Variants in SMTNL2 observed in about 807,000 individuals in gnomAD.
SMTNL2 encodes the protein smoothelin-like protein 2.
Under a neutral mutation model 44.1 loss-of-function variants are expected in SMTNL2, and 43 were observed. The observed-to-expected ratio is 0.98, with a 90% CI of 0.76 to 1.26. SMTNL2 has a LOEUF of 1.26. Ranked by LOEUF, SMTNL2 falls within the 50% of genes most tolerant of loss-of-function variation. The pLI is 0.00. For missense variants in SMTNL2, 646 were observed against 670.2 expected (o/e 0.96, Z 0.40); for synonymous variants, 317 against 287.6 (o/e 1.10, Z -1.03).
chr17:4,584,566 C>A lies in SMTNL2; in HGVS notation c.-40C>A, dbSNP rs147623005. The stretch of plus-strand genomic sequence containing the variant: ...GAGCTGCGGAGCTCGGATCTTCTCC[C>A]CCGTCTGGCCCGCTCTCGACCCGCG... On this transcript the variant is annotated 5_prime_UTR_variant, in exon 1 of 8. Coordinates refer to ENST00000389313, the MANE Select transcript of SMTNL2 (RefSeq NM_001114974.2). The A allele has an allele frequency of 1.6e-3, 1,923 of 1,218,182 alleles. 27 individuals carry two copies. In the African/African-American group the frequency reaches 0.027, roughly 17 times the overall value. 75.5% of individuals were successfully genotyped at this position (1,218,182 alleles called of 1,614,324 possible).
intron 1 of SMTNL2, among the ~76,000 whole-genome samples, chr17:4,585,660 C>T (rs1297750888): frequency 2.0e-5 from 3 of 152,218 alleles, no homozygotes; most frequent in African/African-American, 4.8e-5. Flanking sequence ...GGGCGGAGGC[C>T]GACGTGGACC....
At position 4,607,475 on chromosome 17, in the gene SMTNL2, T is replaced by A; in HGVS notation, c.1374T>A (p.Arg458=). ...TCCAGTCGCTGTACAACCACCTGCG[T>A]CGCTTCGAGTAAAGCCCCTGAGCCT... ...TYVQSLYNHL[R]RFE is the part of the protein sequence containing the mutation. The change falls in exon 8 of 8, where the codon CGT becomes CGA. Residue 458 remains arginine (R), a synonymous_variant. Coordinates refer to ENST00000389313, the MANE Select transcript of SMTNL2 (RefSeq NM_001114974.2). This position sits in a 1 kb window ranked among gnomAD's most constrained non-coding sequence, Gnocchi z 4.7. 6.2e-7 allele frequency: 1 copy of A among 1,614,104 alleles called. No individual in the cohort carries two copies. Among genetic ancestry groups the A allele is most frequent in the Non-Finnish European group, 8.5e-7 (1 of 1,179,984 alleles).
At position 4,607,220 on chromosome 17, in the gene SMTNL2, T is replaced by C; in HGVS notation, c.1260-141T>C. 7.5e-7 allele frequency: 1 copy of C among 1,341,238 alleles called. No individual in the cohort carries two copies. Among genetic ancestry groups the C allele is most frequent in the Non-Finnish European group, 1.0e-6 (1 of 978,502 alleles). 83.1% of individuals were successfully genotyped at this position (1,341,238 alleles called of 1,614,324 possible). A position where few individuals can be genotyped will look rare whatever the true frequency, so the allele number is the denominator to read the frequency against. Reference sequence around the variant, plus strand: ...CTCCAAGGGTTCTGCCAGGGTTATCTGAATTCCCCGCTGGTGGGTCCTTGG... The same window carrying C: ...CTCCAAGGGTTCTGCCAGGGTTATCCGAATTCCCCGCTGGTGGGTCCTTGG... On this transcript the variant is annotated intron_variant, in intron 7 of 7. Transcript: ENST00000389313. The surrounding 1 kb of genome is among the most constrained non-coding windows in gnomAD (Gnocchi z 4.7).
rs60381343 is a variant in SMTNL2, at chr17:4,607,726, T to TGA, written c.*252_*253dup. 1.4e-3 allele frequency: 691 copies of TGA among 492,254 alleles called. 3 individuals carry two copies. Among genetic ancestry groups the TGA allele is most frequent in the East Asian group, 0.011 (330 of 28,728 alleles). 30.5% of individuals were successfully genotyped at this position (492,254 alleles called of 1,614,324 possible). Reference sequence around the variant, plus strand: ...GGGCTTGGAGGAAAAGGAAAAATTATGAGAGAGAGAGAGACATTGGTGCTA... The same window carrying TGA: ...GGGCTTGGAGGAAAAGGAAAAATTATGAGAGAGAGAGAGAGACATTGGTGCTA... On this transcript the variant is annotated 3_prime_UTR_variant, in exon 8 of 8. Coordinates refer to ENST00000389313, the MANE Select transcript of SMTNL2 (RefSeq NM_001114974.2). The surrounding 1 kb of genome is among the most constrained non-coding windows in gnomAD (Gnocchi z 4.7).
chr17:4,595,105 C>A lies in SMTNL2; in HGVS notation c.807-40C>A. 1.2e-6 allele frequency: 2 copies of A among 1,612,512 alleles called. No homozygotes were observed. The highest frequency in any genetic ancestry group is 1.7e-6 in the Non-Finnish European group (2 of 1,179,706). Reference sequence around the variant, plus strand: ...TTGGGGCCTGGTGAGCTAGTGATGGCTGCTGGGCCCAGGTCCCAACTCGGC... The same window carrying A: ...TTGGGGCCTGGTGAGCTAGTGATGGATGCTGGGCCCAGGTCCCAACTCGGC... On this transcript the variant is annotated intron_variant, in intron 4 of 7. Transcript: ENST00000389313. This position sits in a 1 kb window ranked among gnomAD's most constrained non-coding sequence, Gnocchi z 5.1.
chr17:4,586,768 T>C (rs1453937047), intron 1 of SMTNL2, among the ~76,000 whole-genome samples: 3 of 152,092 alleles, frequency 2.0e-5, no homozygotes, highest in Admixed American at 1.3e-4. Flanking sequence ...GCCGTGGGCC[T>C]TGGTGTGTAG....
chr17:4,607,682 C>A lies in SMTNL2; in HGVS notation c.*195C>A. ...AAAGTACTGCTGAGCTGTGGTCCGA[C>A]AGCACTGATCACAGCCAAGGGCTTG... On this transcript the variant is annotated 3_prime_UTR_variant, in exon 8 of 8. Transcript: ENST00000389313. This position sits in a 1 kb window ranked among gnomAD's most constrained non-coding sequence, Gnocchi z 4.7. 1.2e-6 allele frequency: 1 copy of A among 813,796 alleles called. No individual in the cohort carries two copies. Among genetic ancestry groups the A allele is most frequent in the Non-Finnish European group, 1.8e-6 (1 of 553,060 alleles). The allele number at this position is 813,796 out of a possible 1,614,324, so 50.4% of individuals were successfully genotyped here.
intron 7 of SMTNL2, among the ~76,000 whole-genome samples, chr17:4,605,951 G>A (rs182633627): frequency 2.9e-4 from 44 of 152,228 alleles, no homozygotes; most frequent in African/African-American, 9.2e-4. Flanking sequence ...GACTGTTGAC[G>A]TTCCTCCTCC....
Position 4,584,762 on chromosome 17 carries a change from GC to G in SMTNL2, c.159del (p.Gly54AlafsTer24). On this transcript the variant is annotated frameshift_variant, in exon 1 of 8. Coordinates refer to ENST00000389313, the MANE Select transcript of SMTNL2 (RefSeq NM_001114974.2). LOFTEE classifies it high-confidence loss of function. ...ERRVAEAMRL[A>X]GPLARTVADL... ...GCGAGTGGCAGAGGCGATGCGCCTGGCCGGCCCCCTGGCGCGCACGGTGGCC... is the reference window on the plus strand; with the variant it reads ...GCGAGTGGCAGAGGCGATGCGCCTGGCGGCCCCCTGGCGCGCACGGTGGCC... 1 of 1,309,216 alleles carries G rather than the reference GC, an allele frequency of 7.6e-7. No individual in the cohort carries two copies. Among genetic ancestry groups the G allele is most frequent in the Non-Finnish European group, 9.7e-7 (1 of 1,032,590 alleles). The allele number at this position is 1,309,216 out of a possible 1,614,324, so 81.1% of individuals were successfully genotyped here.
chr17:4,585,118 C>T lies in SMTNL2; in HGVS notation c.399+114C>T, dbSNP rs902494994. 7.1e-5 allele frequency: 85 copies of T among 1,194,656 alleles called. No individual in the cohort carries two copies. In the East Asian group the frequency reaches 2.9e-3, roughly 41 times the overall value. 74.0% of individuals were successfully genotyped at this position (1,194,656 alleles called of 1,614,324 possible). On this transcript the variant is annotated intron_variant, in intron 1 of 7. Coordinates refer to ENST00000389313, the MANE Select transcript of SMTNL2 (RefSeq NM_001114974.2). ...CGCGTCTGCGGGGTTGGGGCCTTCA[C>T]CGGCCGCTCGGACTAGGTGATGGGG...
intron 1 of SMTNL2, 130 bp downstream of exon 1, chr17:4,585,134 G>A: frequency 9.0e-7 from 1 of 1,109,262 alleles, no homozygotes; most frequent in Non-Finnish European, 1.1e-6. Flanking sequence ...GCTCGGACTA[G>A]GTGATGGGGG....
Position 4,595,334 on chromosome 17 carries a change from A to G in SMTNL2, c.989+7A>G. On this transcript the variant is annotated splice_region_variant and intron_variant, in intron 5 of 7. Transcript: ENST00000389313. This position sits in a 1 kb window ranked among gnomAD's most constrained non-coding sequence, Gnocchi z 5.1. ...AGGAAACGGCGGCCGGCAAGTACGGATGCCCACTCACAGACAGGCCCGGCC... is the reference window on the plus strand; with the variant it reads ...AGGAAACGGCGGCCGGCAAGTACGGGTGCCCACTCACAGACAGGCCCGGCC... The G allele has an allele frequency of 6.2e-7, 1 of 1,611,234 alleles. No individual in the cohort carries two copies. Among genetic ancestry groups the G allele is most frequent in the Non-Finnish European group, 8.5e-7 (1 of 1,178,698 alleles).
rs1357174005 is a variant in SMTNL2 at position 4,598,779 on chromosome 17, G to T, written c.1259+1456G>T. Among the ~76,000 whole-genome samples the T allele has an allele frequency of 2.6e-5, 4 of 151,544 alleles. No homozygotes were observed. Among genetic ancestry groups the T allele is most frequent in the African/African-American group, 9.7e-5 (4 of 41,176 alleles). On this transcript the variant is annotated intron_variant, in intron 7 of 7. Transcript: ENST00000389313. This position sits in a 1 kb window ranked among gnomAD's most constrained non-coding sequence, Gnocchi z 4.8. ...AAAGAGGTTGCAGTGAGCTGAGATC[G>T]CACCACTGTACTCCAGCCTGGGTGG...
At chr17:4,596,299 A>C (rs1909808720) in intron 5 of SMTNL2, among the ~76,000 whole-genome samples, 1 of 152,244 alleles carries the variant, frequency 6.6e-6, no homozygotes, top group Non-Finnish European at 1.5e-5. Context: ...GACGACAGCC[A>C]GTCCCTGCTC....
chr17:4,598,800 G>T lies in SMTNL2; in HGVS notation c.1259+1477G>T, dbSNP rs1323534474. On this transcript the variant is annotated intron_variant, in intron 7 of 7. Coordinates refer to ENST00000389313, the MANE Select transcript of SMTNL2 (RefSeq NM_001114974.2). The surrounding 1 kb of genome is among the most constrained non-coding windows in gnomAD (Gnocchi z 4.8). ...GATCGCACCACTGTACTCCAGCCTG[G>T]GTGGCAGAGTGAGACGCCATCTCTA... Among the ~76,000 whole-genome samples the T allele has an allele frequency of 6.6e-6, 1 of 151,874 alleles. No homozygotes were observed. Among genetic ancestry groups the T allele is most frequent in the Non-Finnish European group, 1.5e-5 (1 of 67,934 alleles).
rs974573172 is a variant in SMTNL2 at position 4,607,301 on chromosome 17, G to A, written c.1260-60G>A. The A allele has an allele frequency of 4.9e-5, 79 of 1,598,202 alleles. No homozygotes were observed. Among genetic ancestry groups the A allele is most frequent in the African/African-American group, 2.4e-4 (18 of 74,050 alleles). The stretch of plus-strand genomic sequence containing the variant: ...CCGGGACCGAGACACCGGCCCTGTC[G>A]CGGCTGTGGGGCTGGCTGATGGCTG... On this transcript the variant is annotated intron_variant, in intron 7 of 7. Transcript: ENST00000389313. The surrounding 1 kb of genome is among the most constrained non-coding windows in gnomAD (Gnocchi z 4.7).
intron 7 of SMTNL2, among the ~76,000 whole-genome samples, chr17:4,601,712 G>A (rs951796874): frequency 6.6e-6 from 1 of 151,058 alleles, no homozygotes; most frequent in African/African-American, 2.4e-5. Context: ...TAGAGACGGG[G>A]TCTAACTATG....
At chr17:4,589,650 G>A (rs1006021120) in intron 1 of SMTNL2, among the ~76,000 whole-genome samples, 1 of 152,112 alleles carries the variant, frequency 6.6e-6, no homozygotes, top group African/African-American at 2.4e-5. Context: ...GTCCCGCTCT[G>A]CAGATGCTCC....
At chr17:4,588,352 C>T (rs564427924) in intron 1 of SMTNL2, among the ~76,000 whole-genome samples, 4 of 152,356 alleles carry the variant, frequency 2.6e-5, no homozygotes, top group East Asian at 1.9e-4. Flanking sequence ...CCGCCTTTCC[C>T]GTGAGTGCCT....
Sources: allele counts gnomAD v4.1 joint callset (sites outside exome capture counted in the v4.1 genomes callset), GRCh38; gene constraint gnomAD v4.1.1; non-coding constraint Gnocchi (gnomAD v3.1); transcripts MANE v1.5; gene names NCBI Gene and HGNC (gene_info 2026-07-23, HGNC 2026-07-21).